Variants in IL1RAPL2 observed in about 807,000 individuals in gnomAD.
IL1RAPL2 encodes X-linked interleukin-1 receptor accessory protein-like 2.
Under a neutral mutation model 44.1 loss-of-function variants are expected in IL1RAPL2, and 3 were observed. That is an observed-to-expected ratio of 0.07 (90% CI 0.03 to 0.18). The LOEUF (loss-of-function observed/expected upper bound fraction) is 0.18, where lower values mean the gene tolerates loss of function less well. Among genes scored for constraint, IL1RAPL2 ranks in the 10% least tolerant of loss-of-function variants. IL1RAPL2 has a pLI of 1.00. For synonymous variants in IL1RAPL2, 181 were observed against 178.8 expected (o/e 1.01, Z -0.10); for missense variants, 391 against 496.4 (o/e 0.79, Z 2.02).
chrX:105,663,358 T>C (rs1220423596), intron 6 of IL1RAPL2, among the ~76,000 whole-genome samples: 13 of 112,312 alleles, frequency 1.2e-4, no homozygotes, highest in Non-Finnish European at 2.3e-4. Context: ...TCAAAACTTA[T>C]ACAAACACAG....
chrX:104,630,292 C>A (rs921513195), intron 1 of IL1RAPL2, among the ~76,000 whole-genome samples: 1 of 110,425 alleles, frequency 9.1e-6, no homozygotes. Flanking sequence ...AGATTACAGG[C>A]GCCCACCACT....
chrX:105,430,341 A>G (rs1350552982), intron 5 of IL1RAPL2, among the ~76,000 whole-genome samples: 1 of 111,588 alleles, frequency 9.0e-6, no homozygotes, highest in Non-Finnish European at 1.9e-5. Flanking sequence ...GTATTTCTCA[A>G]GAATTCCAGG....
chrX:104,951,677 T>C (rs771559607), intron 2 of IL1RAPL2, among the ~76,000 whole-genome samples: 2 of 112,520 alleles, frequency 1.8e-5, no homozygotes, highest in Non-Finnish European at 1.9e-5. Context: ...AGACATGGGT[T>C]TGGTTTCCCA....
chrX:104,686,736 A>C (rs768439627), intron 2 of IL1RAPL2, among the ~76,000 whole-genome samples: 1 of 111,608 alleles, frequency 9.0e-6, no homozygotes. Context: ...ACATAAATAC[A>C]CTCCCAGAGT....
intron 2 of IL1RAPL2, among the ~76,000 whole-genome samples, chrX:104,922,605 C>T (rs1245907095): frequency 5.4e-5 from 6 of 111,361 alleles, no homozygotes; most frequent in Non-Finnish European, 1.1e-4. Context: ...GAAGCAAAGC[C>T]GAAGGACTCT....
rs1211525109 is a variant in IL1RAPL2, at chrX:105,425,365, A to G, written c.698-58948A>G. Among the ~76,000 whole-genome samples, 4 of 111,208 alleles carry G rather than the reference A, an allele frequency of 3.6e-5. No homozygotes were observed. In the East Asian group the frequency reaches 1.2e-3, roughly 32 times the overall value. ...AGGAGGAAACAAAGACGATGAGAGTAAAGTCAGGAAAAGGGAAATTGAGTA... is the reference window on the plus strand; with the variant it reads ...AGGAGGAAACAAAGACGATGAGAGTGAAGTCAGGAAAAGGGAAATTGAGTA... On this transcript the variant is annotated intron_variant, in intron 5 of 10. Coordinates refer to ENST00000372582, the MANE Select transcript of IL1RAPL2 (RefSeq NM_017416.2).
intron 2 of IL1RAPL2, among the ~76,000 whole-genome samples, chrX:104,754,460 A>C (rs1291630079): frequency 8.9e-6 from 1 of 111,770 alleles, no homozygotes; most frequent in African/African-American, 3.2e-5. Context: ...TAAAATTAAC[A>C]TTGATTAAAT....
intron 2 of IL1RAPL2, among the ~76,000 whole-genome samples, chrX:105,137,950 A>C (rs780611988): frequency 8.9e-6 from 1 of 111,789 alleles, no homozygotes; most frequent in Admixed American, 9.5e-5. Flanking sequence ...GCATGTGCCT[A>C]TAGTCCCAGC....
At chrX:105,205,588 A>T (rs945023963) in intron 3 of IL1RAPL2, among the ~76,000 whole-genome samples, 6 of 25,749 alleles carry the variant, frequency 2.3e-4, no homozygotes, top group African/African-American at 9.1e-4. Flanking sequence ...AGACTCTGTT[A>T]AAAAAAAAAA....
chrX:105,754,159 GTTA>G (rs1380193112), intron 9 of IL1RAPL2, among the ~76,000 whole-genome samples: 1 of 112,422 alleles, frequency 8.9e-6, no homozygotes, highest in Admixed American at 9.4e-5. Context: ...GTCTTTCGCA[GTTA>G]TTATTTGTAA....
At chrX:105,048,615 C>T (rs1311259919) in intron 2 of IL1RAPL2, among the ~76,000 whole-genome samples, 1 of 110,917 alleles carries the variant, frequency 9.0e-6, no homozygotes, top group Non-Finnish European at 1.9e-5. Flanking sequence ...TTGGACTAGT[C>T]CTATTTCATG....
intron 4 of IL1RAPL2, among the ~76,000 whole-genome samples, chrX:105,257,785 A>G (rs747326621): frequency 8.9e-6 from 1 of 112,263 alleles, no homozygotes; most frequent in African/African-American, 3.2e-5. Context: ...TTTGCTTGGT[A>G]GATTTTCCTT....
At chrX:105,420,688 T>G (rs998288289) in intron 5 of IL1RAPL2, among the ~76,000 whole-genome samples, 4 of 112,394 alleles carry the variant, frequency 3.6e-5, no homozygotes, top group African/African-American at 1.3e-4. Flanking sequence ...CAGAAATGGC[T>G]TCTAATAACT....
intron 2 of IL1RAPL2, among the ~76,000 whole-genome samples, chrX:105,010,079 G>GTTTTGT (rs1312745311): frequency 9.0e-6 from 1 of 111,406 alleles, no homozygotes; most frequent in Admixed American, 9.6e-5. Context: ...TTTATGTAGA[G>GTTTTGT]TTTTGTTTTT....
intron 5 of IL1RAPL2, among the ~76,000 whole-genome samples, chrX:105,459,188 G>A (rs1447001528): frequency 9.0e-6 from 1 of 111,334 alleles, no homozygotes; most frequent in Non-Finnish European, 1.9e-5. Flanking sequence ...CATTCCAGAA[G>A]TGCCCTCTTG....
At chrX:104,635,709 C>G (rs2148013921) in intron 1 of IL1RAPL2, among the ~76,000 whole-genome samples, 1 of 111,754 alleles carries the variant, frequency 8.9e-6, no homozygotes, top group African/African-American at 3.2e-5. Context: ...CCTTTAAGGA[C>G]TTCTCTGCAT....
At chrX:105,289,632 A>G (rs2034597760) in intron 5 of IL1RAPL2, among the ~76,000 whole-genome samples, 1 of 111,815 alleles carries the variant, frequency 8.9e-6, no homozygotes, top group South Asian at 3.8e-4. Context: ...TTTGGCCTGT[A>G]TAACTAGAAG....
intron 2 of IL1RAPL2, among the ~76,000 whole-genome samples, chrX:105,084,884 T>C (rs185766710): frequency 8.9e-4 from 100 of 111,748 alleles, no homozygotes; most frequent in African/African-American, 3.1e-3. Flanking sequence ...TGGGAGATGA[T>C]TGGATCATGG....
intron 2 of IL1RAPL2, among the ~76,000 whole-genome samples, chrX:105,092,326 T>C (rs1187033254): frequency 9.0e-6 from 1 of 111,408 alleles, no homozygotes; most frequent in African/African-American, 3.3e-5. Context: ...ATACTCATAG[T>C]TATGGTTTAT....
Sources: gnomAD v4.1 joint callset for allele counts (sites outside exome capture counted in the v4.1 genomes callset) on GRCh38, gnomAD v4.1.1 for gene constraint, MANE v1.5 for transcripts, NCBI Gene and HGNC (gene_info 2026-07-23, HGNC 2026-07-21) for gene names.